ZFP64: variants seen among roughly 807,000 people sequenced by gnomAD.
The protein encoded by ZFP64 is ZFP64 zinc finger protein.
A neutral mutation model predicts 51.6 loss-of-function variants in ZFP64; 14 were observed. The ratio of observed to expected loss-of-function variants is 0.27; its 90% CI spans 0.18 to 0.42. The LOEUF (loss-of-function observed/expected upper bound fraction) is 0.42, where lower values mean the gene tolerates loss of function less well. Among genes scored for constraint, ZFP64 ranks in the 10% least tolerant of loss-of-function variants. The pLI, the probability that ZFP64 is intolerant of heterozygous loss-of-function variation, is 1.00. For missense variants in ZFP64, 754 were observed against 906.8 expected (o/e 0.83, Z 2.16); for synonymous variants, 375 against 361.4 (o/e 1.04, Z -0.43).
chr20:52,153,199 C>T lies in ZFP64; in HGVS notation c.993G>A (p.Arg331=), dbSNP rs1600761963. ...CCGACTGGTGCACGCGGCTGTGCTTCCGGAGGGTGGCTTTGCTGTCACCCA... is the reference window on the plus strand; with the variant it reads ...CCGACTGGTGCACGCGGCTGTGCTTTCGGAGGGTGGCTTTGCTGTCACCCA... The part of the protein sequence containing the change: ...DFLGDSKATL[R]KHSRVHQSEH... Residue 331 remains arginine (R), a synonymous_variant, in exon 6 of 6, where the codon CGG becomes CGA. Coordinates refer to ENST00000216923, the MANE Select transcript of ZFP64 (RefSeq NM_018197.3). The surrounding 1 kb of genome is among the most constrained non-coding windows in gnomAD (Gnocchi z 5.1). 5.0e-6 allele frequency: 8 copies of T among 1,614,076 alleles called. No homozygotes were observed. In the East Asian group the frequency reaches 1.6e-4, roughly 31 times the overall value.
chr20:52,191,450 G>C lies in ZFP64; in HGVS notation c.46+141C>G, dbSNP rs1984362585. ...GCCCCCTGCACAGCGCGCCCGCCGC[G>C]GTCCCCGAGACGCGGCTCCGAGCCG... On this transcript the variant is annotated intron_variant, in intron 1 of 5. Transcript: ENST00000216923. The surrounding 1 kb of genome is among the most constrained non-coding windows in gnomAD (Gnocchi z 4.3). 9.0e-7 allele frequency: 1 copy of C among 1,111,748 alleles called. No individual in the cohort carries two copies. The highest frequency in any genetic ancestry group is 3.3e-5 in the East Asian group (1 of 30,672). 68.9% of individuals were successfully genotyped at this position (1,111,748 alleles called of 1,614,324 possible). A position where few individuals can be genotyped will look rare whatever the true frequency, so the allele number is the denominator to read the frequency against.
At position 52,191,628 on chromosome 20, in the gene ZFP64, C is replaced by G. The variant is rs767603873; in HGVS notation, c.9G>C (p.Ala3=). 20 of 1,589,190 alleles carry G rather than the reference C, an allele frequency of 1.3e-5. No homozygotes were observed. The highest frequency in any genetic ancestry group is 1.7e-4 in the Middle Eastern group (1 of 6,034). MN[A]SSEGESFAGS... ...CCGCGAAGCTCTCGCCCTCGCTGCTCGCGTTCATGGCCGCAGACTGGGAGG... is the reference window on the plus strand; with the variant it reads ...CCGCGAAGCTCTCGCCCTCGCTGCTGGCGTTCATGGCCGCAGACTGGGAGG... The change falls in exon 1 of 6, where the codon GCG becomes GCC. Residue 3 remains alanine, a synonymous_variant. Transcript: ENST00000216923. The surrounding 1 kb of genome is among the most constrained non-coding windows in gnomAD (Gnocchi z 4.3).
At chr20:52,122,272 C>T (rs940280496) in intron 5 of ZFP64, among the ~76,000 whole-genome samples, 2 of 151,946 alleles carry the variant, frequency 1.3e-5, no homozygotes, top group Middle Eastern at 3.2e-3. Context: ...TTTGGGAGGC[C>T]GAGGCGGGTG....
At chr20:52,103,416 A>G (rs1159297094) in intron 5 of ZFP64, among the ~76,000 whole-genome samples, 1 of 152,136 alleles carries the variant, frequency 6.6e-6, no homozygotes, top group East Asian at 1.9e-4. Flanking sequence ...CAGTTGGAAG[A>G]CGGTTTTTTC....
At chr20:52,131,320 G>A (rs955710572) in intron 5 of ZFP64, among the ~76,000 whole-genome samples, 2 of 151,640 alleles carry the variant, frequency 1.3e-5, no homozygotes, top group Non-Finnish European at 2.9e-5. Context: ...AGAAAAGCAG[G>A]CCACAAAACA....
In ZFP64 at chr20:52,165,963, C is replaced by T. The variant is rs770053825; in HGVS notation, c.349G>A (p.Glu117Lys). ...YQTYLPTESN[E>K]NQTATVISLP... ...GAGATGACAGTGGCTGTCTGGTTTT[C>T]ATTACTTTCCGTGGGCAGGTAAGTT... The change falls in exon 3 of 6, where the codon GAA becomes AAA. Residue 117 changes from glutamate (E) to lysine (K), a missense_variant. Glu to Lys is a moderately conservative substitution (Grantham distance 56, BLOSUM62 1). Transcript: ENST00000216923. The T allele has an allele frequency of 6.2e-7, 1 of 1,613,970 alleles. No homozygotes were observed. The highest frequency in any genetic ancestry group is 8.5e-7 in the Non-Finnish European group (1 of 1,179,984).
At position 52,132,762 on chromosome 20, in the gene ZFP64, T is replaced by A. The variant is rs144099899; in HGVS notation, c.763+27361A>T. On this transcript the variant is annotated intron_variant, in intron 5 of 8. Transcript: ENST00000361387. ...GCCTGGGACTCGATGGCTTCACTGC[T>A]GAATTCTGCTAAACATTGAAAGAAG... Among the ~76,000 whole-genome samples, 1,305 of 152,268 alleles carry A rather than the reference T, an allele frequency of 8.6e-3. 14 individuals are homozygous for A. Among genetic ancestry groups the A allele is most frequent in the African/African-American group, 0.03 (1,235 of 41,564 alleles).
chr20:52,162,842 C>T (rs905786502), intron 4 of ZFP64, among the ~76,000 whole-genome samples: 7 of 152,072 alleles, frequency 4.6e-5, no homozygotes, highest in Non-Finnish European at 8.8e-5. Flanking sequence ...TGCTGTGGTT[C>T]CCCCAAACCC....
intron 5 of ZFP64, among the ~76,000 whole-genome samples, chr20:52,108,484 T>C (rs915374272): frequency 6.6e-6 from 1 of 152,098 alleles, no homozygotes; most frequent in Non-Finnish European, 1.5e-5. Flanking sequence ...ATCAGAGTTC[T>C]AGTCCTAAAT....
chr20:52,110,784 TG>T, intron 5 of ZFP64: 1 of 1,592,112 alleles, frequency 6.3e-7, no homozygotes, highest in South Asian at 1.1e-5. Context: ...GGTAGAAGAC[TG>T]GGTAGCTCTC....
chr20:52,100,151 G>A (rs889417596), intron 5 of ZFP64, among the ~76,000 whole-genome samples: 9 of 152,070 alleles, frequency 5.9e-5, no homozygotes, highest in South Asian at 4.1e-4. Context: ...CACCATGCCC[G>A]GCTAATTTTT....
intron 5 of ZFP64, chr20:52,105,761 T>A (rs1196309950): frequency 6.6e-6 from 1 of 152,126 alleles, no homozygotes; most frequent in African/African-American, 2.4e-5. Context: ...AGCTCCCAGG[T>A]GGCGCTGTGG....
intron 5 of ZFP64, among the ~76,000 whole-genome samples, chr20:52,101,405 T>C (rs967225581): frequency 6.6e-6 from 1 of 152,118 alleles, no homozygotes; most frequent in Non-Finnish European, 1.5e-5. Flanking sequence ...AAGGTCTCGC[T>C]GTCACCCAGG....
intron 5 of ZFP64, among the ~76,000 whole-genome samples, 155 bp downstream of exon 5, chr20:52,159,968 A>AAAC (rs1016756396): frequency 7.2e-5 from 11 of 152,280 alleles, no homozygotes; most frequent in African/African-American, 2.2e-4. Context: ...GAGCGAGACA[A>AAAC]AACAACAACA....
In ZFP64 at chr20:52,191,025, G is replaced by A. The variant is rs1364853236; in HGVS notation, c.46+566C>T. Among the ~76,000 whole-genome samples the A allele has an allele frequency of 6.6e-6, 1 of 152,096 alleles. No individual in the cohort carries two copies. The highest frequency in any genetic ancestry group is 1.5e-5 in the Non-Finnish European group (1 of 68,016). On this transcript the variant is annotated intron_variant, in intron 1 of 5. Transcript: ENST00000216923. The surrounding 1 kb of genome is among the most constrained non-coding windows in gnomAD (Gnocchi z 4.3). ...AGAAACCAGGGACTTGAAAAACGCT[G>A]ATGTCCTCCTCGGTTAAATAAAAAC...
intron 5 of ZFP64, among the ~76,000 whole-genome samples, chr20:52,119,025 G>C (rs886519778): frequency 1.2e-4 from 19 of 152,194 alleles, no homozygotes; most frequent in African/African-American, 4.3e-4. Context: ...TGCCTGTGGT[G>C]GCAGCTATCA....
chr20:52,186,182 T>C (rs745905210), intron 2 of ZFP64, among the ~76,000 whole-genome samples: 2 of 152,198 alleles, frequency 1.3e-5, no homozygotes, highest in Admixed American at 6.5e-5. Context: ...ATCCCATAAA[T>C]GGGCTACTTC....
At chr20:52,097,480 A>T in intron 6 of ZFP64, 1 of 1,544,878 alleles carries the variant, frequency 6.5e-7, no homozygotes, top group East Asian at 2.3e-5. Flanking sequence ...TTGGAGACAG[A>T]GTTTTGCTCT....
At chr20:52,115,911 G>T (rs566027536) in intron 5 of ZFP64, among the ~76,000 whole-genome samples, 20 of 151,714 alleles carry the variant, frequency 1.3e-4, no homozygotes, top group African/African-American at 4.6e-4. Context: ...CTTGGCTCAC[G>T]GCAGCCTCCA....
Sources: allele counts gnomAD v4.1 joint callset (sites outside exome capture counted in the v4.1 genomes callset), GRCh38; gene constraint gnomAD v4.1.1; non-coding constraint Gnocchi (gnomAD v3.1); transcripts MANE v1.5; gene names NCBI Gene and HGNC (gene_info 2026-07-23, HGNC 2026-07-21).